Variants in ZDHHC11 observed in about 807,000 individuals in gnomAD.
The protein encoded by ZDHHC11 is palmitoyltransferase ZDHHC11.
Under a neutral mutation model 51.3 loss-of-function variants are expected in ZDHHC11, and 44 were observed. The observed-to-expected ratio is 0.86, with a 90% CI of 0.67 to 1.10. The LOEUF (loss-of-function observed/expected upper bound fraction) is 1.10. ZDHHC11 is among the 50% of genes least tolerant of loss of function. The pLI is 0.00. For synonymous variants in ZDHHC11, 163 were observed against 222.0 expected (o/e 0.73, Z 2.36); for missense variants, 400 against 537.7 (o/e 0.74, Z 2.53).
chr5:817,661 A>G (rs1408790600), intron 10 of ZDHHC11, among the ~76,000 whole-genome samples: 9 of 150,922 alleles, frequency 6.0e-5, no homozygotes, highest in African/African-American at 1.9e-4. Flanking sequence ...TCTCTGATGG[A>G]TTGTGCACTG....
chr5:853,569 CAA>C, upstream of ZDHHC11, among the ~76,000 whole-genome samples: 1 of 143,862 alleles, frequency 7.0e-6, no homozygotes, highest in Non-Finnish European at 1.5e-5. Context: ...CAGAGGACAG[CAA>C]GCCCGGGGGA....
At chr5:855,950 G>C (rs1385197448), upstream of ZDHHC11, among the ~76,000 whole-genome samples, 6 of 150,436 alleles carry the variant, frequency 4.0e-5, no homozygotes, top group Non-Finnish European at 8.9e-5. Context: ...ACCCCACAGA[G>C]GACAGACAGT....
At chr5:855,609 G>T (rs570389944), upstream of ZDHHC11, among the ~76,000 whole-genome samples, 40 of 145,936 alleles carry the variant, frequency 2.7e-4, no homozygotes, top group African/African-American at 1.0e-3. Flanking sequence ...GAGCAGCGGG[G>T]ACAGACCCCA....
chr5:845,066 T>C (rs1404682908), intron 3 of ZDHHC11, among the ~76,000 whole-genome samples: 296 of 151,088 alleles, frequency 2.0e-3, no homozygotes, highest in African/African-American at 6.7e-3. Context: ...GCCGCAGTCC[T>C]CCGAAGAGGC....
upstream of ZDHHC11, among the ~76,000 whole-genome samples, chr5:852,772 C>T (rs1366349961): frequency 2.2e-5 from 3 of 137,978 alleles, no homozygotes; most frequent in East Asian, 4.5e-4. Flanking sequence ...GACAGCGAGC[C>T]GGGGGAAGAG....
At chr5:852,771 C>T (rs1475612135), upstream of ZDHHC11, among the ~76,000 whole-genome samples, 1 of 142,580 alleles carries the variant, frequency 7.0e-6, no homozygotes, top group African/African-American at 2.7e-5. Context: ...GGACAGCGAG[C>T]CGGGGGAAGA....
rs551002701 is a variant in ZDHHC11, at chr5:813,351, T to A, written c.1181+1410A>T. Among the ~76,000 whole-genome samples, 43 of 139,810 alleles carry A rather than the reference T, an allele frequency of 3.1e-4. No homozygotes were observed. In the East Asian group the frequency reaches 8.4e-3, roughly 27 times the overall value. The allele number at this position is 139,810 out of a possible 152,430, so 91.7% of individuals were successfully genotyped here. ...TCAAAAAAATAAAAAAATAAAAAAA[T>A]AAATGTTCCTCCATGATCCAGGGCA... On this transcript the variant is annotated intron_variant, in intron 11 of 12. Coordinates refer to ENST00000283441, the MANE Select transcript of ZDHHC11 (RefSeq NM_024786.3).
chr5:815,358 C>T (rs1298048534), intron 10 of ZDHHC11, among the ~76,000 whole-genome samples: 2 of 146,564 alleles, frequency 1.4e-5, no homozygotes, highest in African/African-American at 5.2e-5. Context: ...AGAAAAACAC[C>T]TGCTATGTGT....
chr5:836,800 C>T (rs1444020035), intron 6 of ZDHHC11, among the ~76,000 whole-genome samples: 2 of 150,080 alleles, frequency 1.3e-5, no homozygotes, highest in African/African-American at 4.9e-5. Context: ...GTGACTCATG[C>T]TTGTAATCCC....
chr5:828,758 A>ACAAGTTT, intron 7 of ZDHHC11, among the ~76,000 whole-genome samples: 1 of 149,530 alleles, frequency 6.7e-6, no homozygotes, highest in East Asian at 1.9e-4. Flanking sequence ...AGGCCACAAA[A>ACAAGTTT]CAAGTTTCAA....
At chr5:807,468 A>G (rs1468150764) in intron 11 of ZDHHC11, among the ~76,000 whole-genome samples, 2 of 151,442 alleles carry the variant, frequency 1.3e-5, no homozygotes, top group East Asian at 3.8e-4. Flanking sequence ...TGCTTCCTCC[A>G]CTATCATAAA....
At position 828,212 on chromosome 5, in the gene ZDHHC11, C is replaced by T. The variant is rs960512611; in HGVS notation, c.936-2961G>A. ...TTCCCCCTTTTCTATTCCACAAAACCGCCATTGTCATCATGGCCCGTTCTC... is the reference window on the plus strand; with the variant it reads ...TTCCCCCTTTTCTATTCCACAAAACTGCCATTGTCATCATGGCCCGTTCTC... On this transcript the variant is annotated intron_variant, in intron 7 of 12. Transcript: ENST00000283441. 5.0e-4 allele frequency among the ~76,000 whole-genome samples: 76 copies of T among 151,606 alleles called. 1 individual carries two copies. Among genetic ancestry groups the T allele is most frequent in the African/African-American group, 1.4e-3 (57 of 41,228 alleles).
chr5:852,257 G>A (rs972863854), upstream of ZDHHC11, among the ~76,000 whole-genome samples: 5 of 152,358 alleles, frequency 3.3e-5, no homozygotes, highest in African/African-American at 1.2e-4. Flanking sequence ...ACAGATCTTA[G>A]AGAGGAGAAG....
chr5:835,251 T>C (rs1406904997), intron 6 of ZDHHC11, among the ~76,000 whole-genome samples: 1 of 151,394 alleles, frequency 6.6e-6, no homozygotes, highest in Non-Finnish European at 1.5e-5. Context: ...AACTCAATCA[T>C]TCTTTTTTCT....
chr5:807,165 A>G (rs1337499799), intron 11 of ZDHHC11, among the ~76,000 whole-genome samples: 3 of 150,958 alleles, frequency 2.0e-5, no homozygotes, highest in African/African-American at 4.9e-5. Flanking sequence ...GACAAGCAGT[A>G]TGGACAGACC....
At chr5:859,927 G>A (rs1473323256), upstream of ZDHHC11, among the ~76,000 whole-genome samples, 7 of 152,328 alleles carry the variant, frequency 4.6e-5, no homozygotes, top group Admixed American at 6.5e-5. Context: ...GGGTGAGGAC[G>A]GGAAGCTGGA....
At chr5:841,334 G>C in intron 4 of ZDHHC11, 1 of 917,298 alleles carries the variant, frequency 1.1e-6, no homozygotes, top group Non-Finnish European at 1.3e-6. Flanking sequence ...TCCTTACTAA[G>C]TGCCGGGGTC....
chr5:838,509 A>C (rs1327428955), intron 5 of ZDHHC11, among the ~76,000 whole-genome samples: 1 of 151,958 alleles, frequency 6.6e-6, no homozygotes, highest in Non-Finnish European at 1.5e-5. Flanking sequence ...CAGCCTTCAC[A>C]GGATGCGTCT....
chr5:858,444 A>G (rs58239318), intron 1 of ZDHHC11, among the ~76,000 whole-genome samples: 29,459 of 151,268 alleles, frequency 0.19, 6,033 homozygotes, highest in African/African-American at 0.52. Flanking sequence ...ATCCTGGTCC[A>G]AGTCCCCATC....
Sources: gnomAD v4.1 joint callset for allele counts (sites outside exome capture counted in the v4.1 genomes callset) on GRCh38, gnomAD v4.1.1 for gene constraint, MANE v1.5 for transcripts, NCBI Gene and HGNC (gene_info 2026-07-23, HGNC 2026-07-21) for gene names.